Variants in LILRA1 observed in about 807,000 individuals in gnomAD.
LILRA1 encodes leukocyte immunoglobulin-like receptor subfamily A member 1.
A neutral mutation model predicts 51.6 loss-of-function variants in LILRA1; 51 were observed. The ratio of observed to expected loss-of-function variants is 0.99; its 90% CI spans 0.79 to 1.25. LILRA1 has a LOEUF of 1.25. LILRA1 is among the 50% of genes most tolerant of loss of function. The probability of loss-of-function intolerance (pLI) is 0.00; values close to 1 mark genes in which losing one functional copy is unlikely to be tolerated. For synonymous variants in LILRA1, 305 were observed against 248.4 expected, an observed-to-expected ratio of 1.23 and a Z score of -2.14; for missense variants, 660 against 611.7, an observed-to-expected ratio of 1.08 and a Z score of -0.83.
chr19:54,595,791 C>T lies in LILRA1; in HGVS notation c.814C>T (p.Gln272Ter), dbSNP rs750071969. Residue 272 changes from glutamine to a stop codon, truncating the protein, a stop_gained, in exon 6 of 10, where the codon CAG becomes TAG. Transcript: ENST00000251372. LOFTEE classifies it high-confidence loss of function. ...TGACTTCCTCCAGCTCCCTGGCCCA[C>T]AGCCCCAGGCTGGGCTCTCCCAGGC... Reference protein sequence around the residue: ...ERDFLQLPGPQPQAGLSQANF... With the variant: ...ERDFLQLPGP The T allele has an allele frequency of 1.2e-6, 2 of 1,614,072 alleles. No homozygotes were observed. Among genetic ancestry groups the T allele is most frequent in the East Asian group, 4.5e-5 (2 of 44,894 alleles).
intron 6 of LILRA1, 83 bp downstream of exon 6, chr19:54,596,018 G>C (rs1416126805): frequency 6.4e-7 from 1 of 1,564,846 alleles, no homozygotes; most frequent in East Asian, 2.3e-5. Context: ...TGGCCGGAAT[G>C]AGGGGTGGGG....
In LILRA1 at chr19:54,596,253, C is replaced by T. The variant is rs746950244; in HGVS notation, c.1023C>T (p.Asn341=). Reference sequence around the variant, plus strand: ...GCCCCACGGTGGCCTCAGGAGAGAACGTGACCCTGCTGTGTCAGTCATGGG... The same window carrying T: ...GCCCCACGGTGGCCTCAGGAGAGAATGTGACCCTGCTGTGTCAGTCATGGG... ...HPGPTVASGE[N]VTLLCQSWGP... The change falls in exon 7 of 10, where the codon AAC becomes AAT. Residue 341 remains asparagine, a synonymous_variant. Transcript: ENST00000251372. 2.0e-5 allele frequency: 32 copies of T among 1,613,968 alleles called. No homozygotes were observed. Among genetic ancestry groups the T allele is most frequent in the South Asian group, 1.1e-5 (1 of 91,078 alleles).
chr19:54,594,145 T>C (rs887578134), intron 1 of LILRA1, 52 bp from the exon 2 acceptor site: 1 of 1,083,274 alleles, frequency 9.2e-7, no homozygotes, highest in South Asian at 1.3e-5. Flanking sequence ...GTGTCCACAC[T>C]GGGTGGGAAG....
intron 3 of LILRA1, 47 bp from the exon 4 acceptor site, chr19:54,594,618 T>A (rs768254003): frequency 3.7e-6 from 6 of 1,607,686 alleles, no homozygotes; most frequent in Non-Finnish European, 5.1e-6. Context: ...AGCTGAGATA[T>A]GTTGGGTGGG....
chr19:54,594,765 G>T lies in LILRA1; in HGVS notation c.171G>T (p.Glu57Asp), dbSNP rs781099508. ...LWCQGILETQEYRLYREKKTA... is the reference protein window; with the variant it reads ...LWCQGILETQDYRLYREKKTA... ...GTCAGGGGATCCTGGAGACCCAGGA[G>T]TACCGTCTGTATAGAGAAAAGAAAA... The change falls in exon 4 of 10, where the codon GAG (glutamate) becomes GAT (aspartate). Residue 57 changes from glutamate (E) to aspartate (D), a missense_variant. Transcript: ENST00000251372. The T allele has an allele frequency of 1.4e-5, 22 of 1,614,142 alleles. No homozygotes were observed. The highest frequency in any genetic ancestry group is 1.8e-5 in the Non-Finnish European group (21 of 1,179,986).
At chr19:54,593,835 A>G in intron 1 of LILRA1, 54 bp downstream of exon 1, 1 of 663,128 alleles carries the variant, frequency 1.5e-6, no homozygotes. Flanking sequence ...GAGGGTGACC[A>G]TGTGGGAGGC....
chr19:54,598,982 G>T (rs1350282179), intron 7 of LILRA1, among the ~76,000 whole-genome samples: 1 of 151,930 alleles, frequency 6.6e-6, no homozygotes, highest in Non-Finnish European at 1.5e-5. Flanking sequence ...TTTTAGTAGA[G>T]ACAGGGTTTC....
At position 54,593,698 on chromosome 19, in the gene LILRA1, C is replaced by T. The variant is rs1169029887; in HGVS notation, c.-132C>T. 5.7e-6 allele frequency: 3 copies of T among 529,676 alleles called. No homozygotes were observed. The East Asian group carries it at 2.0e-4, about 36-fold the overall frequency. 32.8% of individuals were successfully genotyped at this position (529,676 alleles called of 1,614,324 possible). ...GAGCTACACAGCCAGATGCGAGATG[C>T]TTCTCTGCTGATCTGAGTCTGCCTG... On this transcript the variant is annotated 5_prime_UTR_variant, in exon 1 of 10. Transcript: ENST00000251372.
intron 7 of LILRA1, among the ~76,000 whole-genome samples, chr19:54,597,645 C>T (rs80154427): frequency 0.036 from 5,518 of 151,826 alleles, 343 homozygotes; most frequent in African/African-American, 0.13. Flanking sequence ...GGAACAGAGG[C>T]GGGCGAGTTG....
chr19:54,597,013 G>A (rs1022863374), intron 7 of LILRA1, among the ~76,000 whole-genome samples: 3 of 151,848 alleles, frequency 2.0e-5, no homozygotes, highest in South Asian at 2.1e-4. Context: ...GGGAAGGCTG[G>A]GAGGAGATGG....
chr19:54,596,024 T>C, intron 6 of LILRA1, 89 bp downstream of exon 6: 1 of 1,091,528 alleles, frequency 9.2e-7, no homozygotes, highest in East Asian at 7.3e-5. Flanking sequence ...GAATGAGGGG[T>C]GGGGGTCCCA....
intron 7 of LILRA1, among the ~76,000 whole-genome samples, chr19:54,597,271 T>A (rs2063079240): frequency 6.6e-6 from 1 of 152,050 alleles, no homozygotes. Flanking sequence ...ACAGTAAGGG[T>A]GTGGTCTGCA....
At position 54,596,414 on chromosome 19, in the gene LILRA1, A is replaced by G. The variant is rs558966089; in HGVS notation, c.1184A>G (p.Tyr395Cys). Residue 395 changes from tyrosine (Y) to cysteine (C), a missense_variant, in exon 7 of 10, where the codon TAC (tyrosine) becomes TGC (cysteine). By Grantham distance (194) the Tyr-to-Cys change is radical. Transcript: ENST00000251372. ...GTGACCTCAGCCCACTCGGGGACCT[A>G]CAGGTGCTACGGCTCACTCAGCTCC... ...SPVTSAHSGT[Y>C]RCYGSLSSNP... 3 of 1,614,108 alleles carry G rather than the reference A, an allele frequency of 1.9e-6. 1 individual carries two copies. The highest frequency in any genetic ancestry group is 3.3e-5 in the Admixed American group (2 of 60,018).
chr19:54,600,803 C>A lies in LILRA1; in HGVS notation c.1456C>A (p.Gln486Lys), dbSNP rs1360731651. The change falls in exon 10 of 10, where the codon CAG becomes AAG. Residue 486 changes from glutamine (Q) to lysine (K), a missense_variant. Physicochemically the swap from Gln to Lys is moderately conservative, Grantham distance 53 (BLOSUM62 1). Coordinates refer to ENST00000251372, the MANE Select transcript of LILRA1 (RefSeq NM_006863.4). ...GILLFEAQHS[Q>K]RSL ...TCTGCTATTTGAGGCTCAGCACAGC[C>A]AGAGAAGCCTCTGAGATGCAGCCGG... 6.2e-7 allele frequency: 1 copy of A among 1,613,994 alleles called. No individual in the cohort carries two copies. The highest frequency in any genetic ancestry group is 8.5e-7 in the Non-Finnish European group (1 of 1,180,006).
rs138232360 is a variant in LILRA1 at position 54,599,519 on chromosome 19, A to G, written c.1312+233A>G. 35 of 1,195,354 alleles carry G rather than the reference A, an allele frequency of 2.9e-5. 1 individual carries two copies. In the East Asian group the frequency reaches 9.1e-4, roughly 31 times the overall value. The allele number at this position is 1,195,354 out of a possible 1,614,324, so 74.0% of individuals were successfully genotyped here. On this transcript the variant is annotated intron_variant, in intron 8 of 9. Transcript: ENST00000251372. Reference sequence around the variant, plus strand: ...GCTTTGAGTATATTCATTGTATTTCATGCTAACTCACTACTAAATTGCTCT... The same window carrying G: ...GCTTTGAGTATATTCATTGTATTTCGTGCTAACTCACTACTAAATTGCTCT...
At chr19:54,593,808 TG>T in intron 1 of LILRA1, 27 bp downstream of exon 1, 1 of 1,135,896 alleles carries the variant, frequency 8.8e-7, no homozygotes, top group Non-Finnish European at 1.2e-6. Flanking sequence ...GCTGAGCTGA[TG>T]GATGGCTGAA....
At chr19:54,598,132 A>T (rs2146080841) in intron 7 of LILRA1, among the ~76,000 whole-genome samples, 1 of 151,938 alleles carries the variant, frequency 6.6e-6, no homozygotes, top group Middle Eastern at 3.4e-3. Flanking sequence ...CTCATATGTC[A>T]TTCATTTCTA....
At position 54,595,102 on chromosome 19, in the gene LILRA1, G is replaced by A; in HGVS notation, c.361G>A (p.Ala121Thr). The A allele has an allele frequency of 6.2e-7, 1 of 1,613,060 alleles. No homozygotes were observed. The highest frequency in any genetic ancestry group is 8.5e-7 in the Non-Finnish European group (1 of 1,179,322). Residue 121 changes from alanine to threonine, a missense_variant and splice_region_variant, in exon 5 of 10, where the codon GCC becomes ACC. Coordinates refer to ENST00000251372, the MANE Select transcript of LILRA1 (RefSeq NM_006863.4). ...SDPLELVVTG[A>T]YIKPTLSALP... ...CATGGTGCCTCCTTCTCTCCTAGGA[G>A]CCTACATCAAACCCACCCTCTCAGC...
chr19:54,595,419 A>T lies in LILRA1; in HGVS notation c.661+17A>T. On this transcript the variant is annotated intron_variant, in intron 5 of 9. Coordinates refer to ENST00000251372, the MANE Select transcript of LILRA1 (RefSeq NM_006863.4). The stretch of plus-strand genomic sequence containing the variant: ...TGGTCCTAGGTGAGAAATTCACAGC[A>T]TTGCCTGGAGTTCCCTGAGTCTCCC... 1 of 1,596,122 alleles carries T rather than the reference A, an allele frequency of 6.3e-7. No homozygotes were observed. The highest frequency in any genetic ancestry group is 8.5e-7 in the Non-Finnish European group (1 of 1,170,404).
Sources: allele counts gnomAD v4.1 joint callset (sites outside exome capture counted in the v4.1 genomes callset), GRCh38; gene constraint gnomAD v4.1.1; transcripts MANE v1.5; gene names NCBI Gene and HGNC (gene_info 2026-07-23, HGNC 2026-07-21).